SMG6: variants seen among roughly 807,000 people sequenced by gnomAD.
The protein encoded by SMG6 is telomerase-binding protein EST1A.
In SMG6, 66 loss-of-function variants were observed where a neutral mutation model predicts 142.2. The ratio of observed to expected loss-of-function variants is 0.46; its 90% CI spans 0.38 to 0.57. The LOEUF is 0.57. Among genes scored for constraint, SMG6 ranks in the 20% least tolerant of loss-of-function variants. SMG6 has a pLI of 0.00. For synonymous variants in SMG6, 779 were observed against 702.4 expected (o/e 1.11, Z -1.72); for missense variants, 1,793 against 1,832.0 (o/e 0.98, Z 0.39).
intron 13 of SMG6, among the ~76,000 whole-genome samples, chr17:2,142,781 G>A (rs1159633508): frequency 1.3e-5 from 2 of 151,628 alleles, no homozygotes; most frequent in Middle Eastern, 3.4e-3. Context: ...CCAGCTACTC[G>A]GGAGGCTGAG....
intron 13 of SMG6, among the ~76,000 whole-genome samples, chr17:2,102,956 G>A (rs1177502032): frequency 6.6e-6 from 1 of 152,144 alleles, no homozygotes; most frequent in Non-Finnish European, 1.5e-5. Flanking sequence ...CCATGTTGCT[G>A]AAAACAACAG....
intron 15 of SMG6, among the ~76,000 whole-genome samples, chr17:2,070,081 A>G (rs2068058700): frequency 6.6e-6 from 1 of 152,136 alleles, no homozygotes; most frequent in South Asian, 2.1e-4. Context: ...CTCCTCTAGC[A>G]CCTCTCACCA....
At chr17:2,246,346 G>A (rs757165675) in intron 8 of SMG6, among the ~76,000 whole-genome samples, 3 of 152,230 alleles carry the variant, frequency 2.0e-5, no homozygotes, top group Non-Finnish European at 4.4e-5. Context: ...AGGGCAAGGA[G>A]TCCAGTATCG....
At chr17:2,290,435 C>G (rs985865571) in intron 6 of SMG6, among the ~76,000 whole-genome samples, 1 of 152,204 alleles carries the variant, frequency 6.6e-6, no homozygotes, top group Non-Finnish European at 1.5e-5. Context: ...ATACACGAGC[C>G]TTACACTTTT....
intron 8 of SMG6, among the ~76,000 whole-genome samples, chr17:2,256,661 G>T (rs570255541): frequency 6.6e-6 from 1 of 152,304 alleles, no homozygotes; most frequent in Admixed American, 6.5e-5. Flanking sequence ...TGTAGTTCTA[G>T]CTACTTGTGA....
intron 4 of SMG6, among the ~76,000 whole-genome samples, chr17:2,296,061 A>G (rs1330552698): frequency 2.0e-5 from 3 of 152,074 alleles, no homozygotes; most frequent in African/African-American, 4.8e-5. Flanking sequence ...AAACTCACCA[A>G]TTTGCCCAAG....
At chr17:2,168,462 C>T (rs772976675) in intron 13 of SMG6, among the ~76,000 whole-genome samples, 30 of 152,230 alleles carry the variant, frequency 2.0e-4, no homozygotes, top group Admixed American at 1.5e-3. Context: ...GGATTACAGG[C>T]GTGAGCCATC....
At chr17:2,291,585 T>C (rs528476339) in intron 6 of SMG6, among the ~76,000 whole-genome samples, 2 of 152,172 alleles carry the variant, frequency 1.3e-5, no homozygotes, top group South Asian at 2.1e-4. Flanking sequence ...GTAAACCACA[T>C]TACTTAATCA....
In SMG6 at chr17:2,252,796, C is replaced by T. The variant is rs544487762; in HGVS notation, c.2662-8077G>A. ...GTCTCCAGGTCACTGTGAAAGATAG[C>T]CAGATTTGGAAACCACTGGGCTATA... On this transcript the variant is annotated intron_variant, in intron 8 of 18. Transcript: ENST00000263073. 4.6e-5 allele frequency among the ~76,000 whole-genome samples: 7 copies of T among 152,206 alleles called. No individual in the cohort carries two copies. The South Asian group carries it at 1.4e-3, about 32-fold the overall frequency.
intron 8 of SMG6, among the ~76,000 whole-genome samples, chr17:2,277,903 C>T (rs890947663): frequency 2.6e-5 from 4 of 152,040 alleles, no homozygotes; most frequent in African/African-American, 7.2e-5. Context: ...AAAAAATTAG[C>T]CAGGCATGGT....
intron 10 of SMG6, among the ~76,000 whole-genome samples, chr17:2,193,185 G>T (rs1227577013): frequency 6.6e-6 from 1 of 152,196 alleles, no homozygotes. Context: ...TGTCTATGTG[G>T]TAGTGGCTGA....
intron 13 of SMG6, among the ~76,000 whole-genome samples, chr17:2,155,174 C>A (rs576563119): frequency 1.3e-5 from 2 of 151,930 alleles, no homozygotes; most frequent in South Asian, 4.2e-4. Context: ...TGCCTTAGCA[C>A]CCCTAGCAGC....
chr17:2,236,742 CA>C, intron 9 of SMG6, 105 bp from the exon 10 acceptor site: 4 of 927,900 alleles, frequency 4.3e-6, no homozygotes, highest in Non-Finnish European at 5.9e-6. Context: ...CACACACACA[CA>C]CACACACACC....
intron 13 of SMG6, among the ~76,000 whole-genome samples, chr17:2,113,217 C>T (rs1471629878): frequency 6.6e-6 from 1 of 152,094 alleles, no homozygotes; most frequent in African/African-American, 2.4e-5. Flanking sequence ...GCTAGCATTG[C>T]AGGCGTGTGC....
chr17:2,248,577 A>G (rs2073973566), intron 8 of SMG6, among the ~76,000 whole-genome samples: 1 of 152,166 alleles, frequency 6.6e-6, no homozygotes, highest in Non-Finnish European at 1.5e-5. Flanking sequence ...AGTCGATTTC[A>G]ATGCATTACT....
At chr17:2,189,870 TG>T (rs1227776713) in intron 10 of SMG6, among the ~76,000 whole-genome samples, 2 of 152,200 alleles carry the variant, frequency 1.3e-5, no homozygotes, top group African/African-American at 4.8e-5. Flanking sequence ...TCTTTGATTG[TG>T]GCTTTCCCAC....
intron 13 of SMG6, among the ~76,000 whole-genome samples, chr17:2,161,557 A>G (rs1477408067): frequency 1.3e-5 from 2 of 151,966 alleles, no homozygotes; most frequent in Admixed American, 6.6e-5. Flanking sequence ...TCTTGCCTCC[A>G]AAGTTTGGAG....
chr17:2,145,903 T>A (rs2070654920), intron 13 of SMG6, among the ~76,000 whole-genome samples: 1 of 152,050 alleles, frequency 6.6e-6, no homozygotes, highest in Admixed American at 6.6e-5. Context: ...TGTTCCTGAG[T>A]AGATGAATGA....
intron 13 of SMG6, among the ~76,000 whole-genome samples, chr17:2,114,514 TGATG>T (rs1396087239): frequency 6.6e-6 from 1 of 152,088 alleles, no homozygotes; most frequent in Non-Finnish European, 1.5e-5. Flanking sequence ...AAAGGACAAC[TGATG>T]TTCAACCCTT....
Sources: gnomAD v4.1 joint callset for allele counts (sites outside exome capture counted in the v4.1 genomes callset) on GRCh38, gnomAD v4.1.1 for gene constraint, MANE v1.5 for transcripts, NCBI Gene and HGNC (gene_info 2026-07-23, HGNC 2026-07-21) for gene names.